Variants in PPRC1 observed in about 807,000 individuals in gnomAD.
PPRC1 encodes the protein PPARG related coactivator 1.
A neutral mutation model predicts 132.5 loss-of-function variants in PPRC1; 23 were observed. The ratio of observed to expected loss-of-function variants is 0.17; its 90% CI spans 0.12 to 0.25. The LOEUF (loss-of-function observed/expected upper bound fraction) is 0.25. PPRC1 is among the 10% of genes least tolerant of loss of function. The pLI, the probability that PPRC1 is intolerant of heterozygous loss-of-function variation, is 1.00. For synonymous variants in PPRC1, 872 were observed against 833.5 expected (o/e 1.05, Z -0.80); for missense variants, 2,006 against 2,089.1 (o/e 0.96, Z 0.78).
At chr10:102,120,615 G>A in the PPRC1 span, among the ~76,000 whole-genome samples, 1 of 152,276 alleles carries the variant, frequency 6.6e-6, no homozygotes, top group Admixed American at 6.5e-5. Context: ...CGCGCGGCGG[G>A]CGGGCGGCGA....
Position 102,140,993 on chromosome 10 carries a change from C to T in PPRC1, c.2485C>T (p.Pro829Ser). The T allele has an allele frequency of 6.2e-7, 1 of 1,614,108 alleles. No individual in the cohort carries two copies. The highest frequency in any genetic ancestry group is 1.1e-5 in the South Asian group (1 of 91,092). The change falls in exon 5 of 14, where the codon CCT becomes TCT. Residue 829 changes from proline to serine, a missense_variant. By Grantham distance (74) the Pro-to-Ser change is moderately conservative. Coordinates refer to ENST00000278070, the MANE Select transcript of PPRC1 (RefSeq NM_015062.5). ...GCCTGTAGGTCCCAGCCCTGCTTCT[C>T]CTAGTCCTGAGCCACCTGTAAGCAA... is the stretch of plus-strand genomic sequence containing the variant. ...LVPVGPSPAS[P>S]SPEPPVSKPV... is the part of the protein sequence containing the mutation.
At chr10:102,120,489 GCCCAAGC>G in the PPRC1 span, 1 of 658,108 alleles carries the variant, frequency 1.5e-6, no homozygotes, top group Non-Finnish European at 1.9e-6. Context: ...CGGCTCCCCA[GCCCAAGC>G]CGGGCAGGGC....
intron 6 of PPRC1, among the ~76,000 whole-genome samples, chr10:102,143,377 G>T (rs925536984): frequency 6.6e-6 from 1 of 152,104 alleles, no homozygotes; most frequent in Admixed American, 6.6e-5. Flanking sequence ...GAGGCGGGTG[G>T]ATCATGAGGT....
rs1238741046 is a variant in PPRC1, at chr10:102,143,064, G to C, written c.3516G>C (p.Leu1172=). 1 of 1,613,674 alleles carries C rather than the reference G, an allele frequency of 6.2e-7. No homozygotes were observed. Among genetic ancestry groups the C allele is most frequent in the Non-Finnish European group, 8.5e-7 (1 of 1,179,712 alleles). Residue 1172 remains leucine (L), a synonymous_variant, in exon 6 of 14, where the codon CTG becomes CTC. Coordinates refer to ENST00000278070, the MANE Select transcript of PPRC1 (RefSeq NM_015062.5). ...ISEIGIEASD[L]SSLLEQFEKS... ...CCACAGGAATTGAGGCATCGGACCT[G>C]TCCAGTCTGCTGGAGCAGTTTGAGA...
In PPRC1 at chr10:102,141,874, C is replaced by T. The variant is rs375956395; in HGVS notation, c.3366C>T (p.Pro1122=). ...CCTTGCCTGCTACCAAGGCTGTTCC[C>T]ACACCAAGGCAGAGCACTGTCCCCA... ...KPPLPATKAV[P]TPRQSTVPKL... The change falls in exon 5 of 14, where the codon CCC becomes CCT. Residue 1122 remains proline (P), a synonymous_variant. Transcript: ENST00000278070. 5 of 1,614,154 alleles carry T rather than the reference C, an allele frequency of 3.1e-6. No homozygotes were observed. The African/African-American group carries it at 6.7e-5, about 22-fold the overall frequency.
In PPRC1 at chr10:102,139,777, C is replaced by T. The variant is rs375987538; in HGVS notation, c.1269C>T (p.Asp423=). 1.9e-6 allele frequency: 3 copies of T among 1,614,094 alleles called. No homozygotes were observed. The African/African-American group carries it at 4.0e-5, about 22-fold the overall frequency. The change falls in exon 5 of 14, where the codon GAC becomes GAT. Residue 423 remains aspartate, a synonymous_variant. Transcript: ENST00000278070. ...GLSLNSEEKL[D]SACLLKPREV... is the part of the protein sequence containing the mutation. ...CATTGAACTCAGAGGAGAAGCTGGA[C>T]TCAGCCTGCTTATTGAAGCCCAGGG...
chr10:102,127,553 AG>A, the PPRC1 span, among the ~76,000 whole-genome samples: 1 of 150,920 alleles, frequency 6.6e-6, no homozygotes, highest in South Asian at 2.1e-4. Flanking sequence ...ATTACAGGCA[AG>A]TGCTACCACG....
Position 102,138,935 on chromosome 10 carries a change from A to G in PPRC1, c.546A>G (p.Pro182=). 1 of 1,614,110 alleles carries G rather than the reference A, an allele frequency of 6.2e-7. No homozygotes were observed. Reference sequence around the variant, plus strand: ...CCCCAGAACGTGACCTCATCACCCCAGTTGACCCACTGGGGCCCAGTACAG... The same window carrying G: ...CCCCAGAACGTGACCTCATCACCCCGGTTGACCCACTGGGGCCCAGTACAG... The part of the protein sequence containing the change: ...RTPPERDLIT[P]VDPLGPSTGS... The change falls in exon 4 of 14, where the codon CCA becomes CCG. Residue 182 remains proline, a synonymous_variant. Transcript: ENST00000278070.
At chr10:102,145,567 TA>T (rs544168412) in intron 8 of PPRC1, among the ~76,000 whole-genome samples, 335 of 117,194 alleles carry the variant, frequency 2.9e-3, no homozygotes, top group Admixed American at 3.4e-3. Context: ...CAAGACTATC[TA>T]AAAAAAAAAA....
Position 102,140,739 on chromosome 10 carries a change from A to G in PPRC1, c.2231A>G (p.His744Arg), listed in dbSNP as rs1465440884. Reference sequence around the variant, plus strand: ...GAAAGTGGTACCAGTGCTACAACCCATGAAGCCAGACCTCGGCCTCTCAGC... The same window carrying G: ...GAAAGTGGTACCAGTGCTACAACCCGTGAAGCCAGACCTCGGCCTCTCAGC... Reference protein sequence around the residue: ...KIESGTSATTHEARPRPLSLS... With the variant: ...KIESGTSATTREARPRPLSLS... Residue 744 changes from histidine (H) to arginine (R), a missense_variant, in exon 5 of 14, where the codon CAT (histidine) becomes CGT (arginine). By Grantham distance (29) the His-to-Arg change is conservative (BLOSUM62 0). Around this residue, in one of 2 missense-constraint regions of PPRC1, gnomAD observed 1,914 missense variants for 1,917.2 expected, o/e 1.00. Coordinates refer to ENST00000278070, the MANE Select transcript of PPRC1 (RefSeq NM_015062.5). 1.2e-6 allele frequency: 2 copies of G among 1,613,938 alleles called. No homozygotes were observed. The highest frequency in any genetic ancestry group is 1.1e-5 in the South Asian group (1 of 91,082).
rs1564943909 is a variant in PPRC1, at chr10:102,141,239, C to T, written c.2731C>T (p.Pro911Ser). Residue 911 changes from proline (P) to serine (S), a missense_variant, in exon 5 of 14, where the codon CCT becomes TCT. This residue lies in a region of PPRC1 where 1,914 missense variants were observed against 1,917.2 expected (regional missense o/e 1.00). Transcript: ENST00000278070. ...SLPLSMGPVL[P>S]DPFTHYAPLP... ...TCCATTGTCTATGGGGCCAGTACTA[C>T]CTGATCCGTTTACTCACTATGCCCC... 2 of 1,614,084 alleles carry T rather than the reference C, an allele frequency of 1.2e-6. No individual in the cohort carries two copies. Among genetic ancestry groups the T allele is most frequent in the Non-Finnish European group, 8.5e-7 (1 of 1,179,978 alleles).
Position 102,138,909 on chromosome 10 carries a change from C to G in PPRC1, c.520C>G (p.Pro174Ala). 1 of 1,614,116 alleles carries G rather than the reference C, an allele frequency of 6.2e-7. No homozygotes were observed. Among genetic ancestry groups the G allele is most frequent in the African/African-American group, 1.3e-5 (1 of 75,032 alleles). ...LHKLLTLSRT[P>A]PERDLITPVD... ...CAAGCTGCTTACTCTCTCTCGGACACCCCCAGAACGTGACCTCATCACCCC... is the reference window on the plus strand; with the variant it reads ...CAAGCTGCTTACTCTCTCTCGGACAGCCCCAGAACGTGACCTCATCACCCC... Residue 174 changes from proline to alanine, a missense_variant, in exon 4 of 14, where the codon CCC (proline) becomes GCC (alanine). By Grantham distance (27) the Pro-to-Ala change is conservative. Transcript: ENST00000278070.
the PPRC1 span, among the ~76,000 whole-genome samples, chr10:102,121,316 C>A: frequency 6.6e-6 from 1 of 152,184 alleles, no homozygotes; most frequent in Non-Finnish European, 1.5e-5. Flanking sequence ...GCCTCCGACC[C>A]CCCTGCCTGG....
chr10:102,145,852 A>G (rs1324283807), intron 8 of PPRC1, among the ~76,000 whole-genome samples: 1 of 152,176 alleles, frequency 6.6e-6, no homozygotes, highest in East Asian at 1.9e-4. Context: ...GCGACAGGGC[A>G]AGACTCTGTC....
At chr10:102,138,838 C>G (rs1356028260) in intron 3 of PPRC1, 41 bp from the exon 4 acceptor site, 1 of 1,612,004 alleles carries the variant, frequency 6.2e-7, no homozygotes, top group East Asian at 2.2e-5. Flanking sequence ...TCATATAGCT[C>G]TGAAGCATAG....
intron 7 of PPRC1, 165 bp downstream of exon 7, chr10:102,144,472 G>A: frequency 3.0e-6 from 2 of 663,302 alleles, no homozygotes; most frequent in South Asian, 3.8e-5. Flanking sequence ...ACCGGGCAGT[G>A]TCTTGGGTGG....
chr10:102,145,725 C>A (rs891136150), intron 8 of PPRC1, among the ~76,000 whole-genome samples: 1 of 151,546 alleles, frequency 6.6e-6, no homozygotes, highest in Non-Finnish European at 1.5e-5. Flanking sequence ...ATTAGCCGGG[C>A]GTGATGGCGG....
chr10:102,127,041 A>T, the PPRC1 span, among the ~76,000 whole-genome samples: 19 of 56,978 alleles, frequency 3.3e-4, no homozygotes, highest in Middle Eastern at 0.031. Context: ...ATATATATAT[A>T]TATATATATA....
In PPRC1 at chr10:102,149,932, A is replaced by G. The variant is rs775997146; in HGVS notation, c.4898A>G (p.Asn1633Ser). The G allele has an allele frequency of 3.7e-6, 6 of 1,610,488 alleles. No homozygotes were observed. The South Asian group carries it at 6.6e-5, about 18-fold the overall frequency. The change falls in exon 14 of 14, where the codon AAC becomes AGC. Residue 1633 changes from asparagine to serine, a missense_variant. By Grantham distance (46) the Asn-to-Ser change is conservative. Coordinates refer to ENST00000278070, the MANE Select transcript of PPRC1 (RefSeq NM_015062.5). ...TTTGTCTTTACCTTTATAGACTCCA[A>G]CCGGGAAGACTTTGACCCAGCACCT... ...CKRSYSDLDS[N>S]REDFDPAPVK...
Sources: gnomAD v4.1 joint callset for allele counts (sites outside exome capture counted in the v4.1 genomes callset) on GRCh38, gnomAD v4.1.1 for gene constraint, gnomAD v4.1.1 regional missense constraint, MANE v1.5 for transcripts, NCBI Gene and HGNC (gene_info 2026-07-23, HGNC 2026-07-21) for gene names.